The following ATXN7 variants were observed in gnomAD, a reference collection of about 807,000 sequenced individuals.
The protein encoded by ATXN7 is ataxin-7.
Under a neutral mutation model 70.5 loss-of-function variants are expected in ATXN7, and 12 were observed. The observed-to-expected ratio is 0.17, with a 90% CI of 0.11 to 0.28. The LOEUF (loss-of-function observed/expected upper bound fraction) is 0.28, where lower values mean the gene tolerates loss of function less well. ATXN7 is among the 10% of genes least tolerant of loss of function. ATXN7 has a pLI of 1.00. For synonymous variants in ATXN7, 498 were observed against 448.7 expected (o/e 1.11, Z -1.39); for missense variants, 1,256 against 1,131.7 (o/e 1.11, Z -1.58).
At chr3:63,933,296 T>G (rs2074591697) in intron 4 of ATXN7, among the ~76,000 whole-genome samples, 1 of 152,174 alleles carries the variant, frequency 6.6e-6, no homozygotes, top group Admixed American at 6.5e-5. Context: ...CTGTTGAAAT[T>G]ATAGTTTTCT....
intron 11 of ATXN7, among the ~76,000 whole-genome samples, chr3:63,993,091 T>G: frequency 6.6e-6 from 1 of 152,116 alleles, no homozygotes; most frequent in Non-Finnish European, 1.5e-5. Context: ...AACTTCAGTT[T>G]GTGGAGTCTC....
chr3:63,866,933 G>T (rs1400269162), intron 1 of ATXN7: 1 of 149,546 alleles, frequency 6.7e-6, no homozygotes, highest in East Asian at 1.9e-4. Context: ...TATATTTATT[G>T]ATTTATTTGA....
chr3:63,914,963 T>C (rs1475429507), intron 4 of ATXN7, among the ~76,000 whole-genome samples: 1 of 152,220 alleles, frequency 6.6e-6, no homozygotes, highest in East Asian at 1.9e-4. Context: ...GTGGCCATGC[T>C]GGAGTGCAGT....
intron 2 of ATXN7, among the ~76,000 whole-genome samples, chr3:63,900,318 A>G (rs1433655544): frequency 6.6e-6 from 1 of 152,236 alleles, no homozygotes; most frequent in Non-Finnish European, 1.5e-5. Flanking sequence ...GTAGCATTTC[A>G]GACAACACGT....
intron 1 of ATXN7, among the ~76,000 whole-genome samples, chr3:63,868,383 T>G (rs1368235462): frequency 6.6e-6 from 1 of 152,196 alleles, no homozygotes; most frequent in Admixed American, 6.5e-5. Context: ...GCTAGAAGTT[T>G]CCCGTATAAA....
chr3:63,946,476 A>G (rs568439210), intron 4 of ATXN7, among the ~76,000 whole-genome samples: 2 of 152,168 alleles, frequency 1.3e-5, no homozygotes, highest in Non-Finnish European at 2.9e-5. Flanking sequence ...GTTCTCTACT[A>G]AAAATACAAA....
intron 1 of ATXN7, among the ~76,000 whole-genome samples, chr3:63,872,256 G>T (rs1286889343): frequency 1.3e-5 from 2 of 152,200 alleles, no homozygotes; most frequent in Non-Finnish European, 1.5e-5. Flanking sequence ...CATGAAGCAT[G>T]TCTGTCAGTT....
intron 4 of ATXN7, among the ~76,000 whole-genome samples, chr3:63,917,583 A>G (rs1704334919): frequency 1.3e-5 from 2 of 152,210 alleles, no homozygotes; most frequent in Admixed American, 6.5e-5. Flanking sequence ...AACTTCTCTA[A>G]GTCTAACCGT....
intron 4 of ATXN7, among the ~76,000 whole-genome samples, chr3:63,917,336 C>T (rs1001463514): frequency 2.0e-5 from 3 of 152,210 alleles, no homozygotes; most frequent in South Asian, 2.1e-4. Flanking sequence ...TGTGAAATTC[C>T]GGACTTCCAC....
intron 6 of ATXN7, among the ~76,000 whole-genome samples, chr3:63,981,523 G>A (rs2075487454): frequency 6.6e-6 from 1 of 152,218 alleles, no homozygotes; most frequent in Admixed American, 6.5e-5. Context: ...CAAAATGATA[G>A]TGTCAGTAAG....
intron 11 of ATXN7, among the ~76,000 whole-genome samples, chr3:63,993,212 GGACCAGTATCCCATATTCC>G (rs2075699924): frequency 6.6e-6 from 1 of 151,558 alleles, no homozygotes; most frequent in South Asian, 2.1e-4. Context: ...TGTTGATTTG[GGACCAGTATCCCATATTCC>G]CTAAGAAGGG....
intron 8 of ATXN7, among the ~76,000 whole-genome samples, chr3:63,984,270 C>T (rs1323969794): frequency 6.6e-6 from 1 of 151,726 alleles, no homozygotes; most frequent in Non-Finnish European, 1.5e-5. Flanking sequence ...CATACACATT[C>T]TGAATTTTTC....
At chr3:63,988,641 C>T (rs959746795) in intron 9 of ATXN7, among the ~76,000 whole-genome samples, 1 of 152,172 alleles carries the variant, frequency 6.6e-6, no homozygotes, top group Non-Finnish European at 1.5e-5. Context: ...GACAGGAACT[C>T]TTCACATGGC....
chr3:63,939,012 T>G (rs1180040095), intron 4 of ATXN7, among the ~76,000 whole-genome samples: 14 of 152,046 alleles, frequency 9.2e-5, no homozygotes, highest in Admixed American at 7.2e-4. Flanking sequence ...TTTTTTTTTT[T>G]GCATATGGAA....
intron 4 of ATXN7, among the ~76,000 whole-genome samples, chr3:63,922,021 CTTTTTCTTTT>C (rs985462623): frequency 1.3e-5 from 2 of 151,958 alleles, no homozygotes; most frequent in African/African-American, 2.4e-5. Context: ...CAGTTTTTTT[CTTTTTCTTTT>C]TTTTTCTTTT....
chr3:63,905,035 G>A (rs1703787556), intron 2 of ATXN7: 1 of 152,056 alleles, frequency 6.6e-6, no homozygotes, highest in African/African-American at 2.4e-5. Flanking sequence ...TTACTGGGCT[G>A]CGTTCTTTCT....
intron 5 of ATXN7, among the ~76,000 whole-genome samples, chr3:63,956,927 T>A (rs2075049288): frequency 6.6e-6 from 1 of 152,208 alleles, no homozygotes; most frequent in South Asian, 2.1e-4. Flanking sequence ...CCCCATTCTT[T>A]TGAGGTGGGA....
At chr3:63,871,449 G>GA (rs1191828967) in intron 1 of ATXN7, among the ~76,000 whole-genome samples, 1 of 151,888 alleles carries the variant, frequency 6.6e-6, no homozygotes, top group African/African-American at 2.4e-5. Flanking sequence ...TACAAAAAAA[G>GA]AAAAAAAGGT....
chr3:63,934,047 T>A (rs2074612346), intron 4 of ATXN7, among the ~76,000 whole-genome samples: 1 of 152,220 alleles, frequency 6.6e-6, no homozygotes, highest in Admixed American at 6.5e-5. Flanking sequence ...AAAAGCTACT[T>A]ATGTTCATCA....
Sources: gnomAD v4.1 joint callset for allele counts (sites outside exome capture counted in the v4.1 genomes callset) on GRCh38, gnomAD v4.1.1 for gene constraint, MANE v1.5 for transcripts, NCBI Gene and HGNC (gene_info 2026-07-23, HGNC 2026-07-21) for gene names.